The following MPP1 variants were observed in gnomAD, a reference collection of about 807,000 sequenced individuals.
MPP1 encodes 55 kDa erythrocyte membrane protein.
Under a neutral mutation model 38.2 loss-of-function variants are expected in MPP1, and 6 were observed. The ratio of observed to expected loss-of-function variants is 0.16; its 90% CI spans 0.09 to 0.31. MPP1 has a LOEUF of 0.31. Ranked by LOEUF, MPP1 falls within the 10% of genes least tolerant of loss-of-function variation. MPP1 has a pLI of 1.00. For missense variants in MPP1, 293 were observed against 368.9 expected, an observed-to-expected ratio of 0.79 and a Z score of 1.69; for synonymous variants, 153 against 146.3, an observed-to-expected ratio of 1.05 and a Z score of -0.33.
At chrX:154,781,857 G>C in intron 9 of MPP1, 55 bp from the exon 10 acceptor site, 1 of 1,112,463 alleles carries the variant, frequency 9.0e-7, no homozygotes, top group Non-Finnish European at 1.2e-6. Context: ...CCTTTCATGA[G>C]GGCTTGGACC....
intron 11 of MPP1, among the ~76,000 whole-genome samples, chrX:154,780,133 G>A (rs781834733): frequency 1.8e-5 from 2 of 112,871 alleles, no homozygotes; most frequent in African/African-American, 3.2e-5. Flanking sequence ...AACACAGTGA[G>A]ACCCCATTTC....
In MPP1 at chrX:154,784,128, A is replaced by C; in HGVS notation, c.785-20T>G. 8.5e-7 allele frequency: 1 copy of C among 1,170,685 alleles called. No individual in the cohort carries two copies. Among genetic ancestry groups the C allele is most frequent in the Non-Finnish European group, 1.2e-6 (1 of 861,230 alleles). On this transcript the variant is annotated intron_variant, in intron 7 of 11. Coordinates refer to ENST00000369534, the MANE Select transcript of MPP1 (RefSeq NM_002436.4). ...CAAAAACTAGAGACAAAGAAAACCA[A>C]GCAGTGTTCATTTCCAGAGCTAGGG...
At position 154,785,155 on chromosome X, in the gene MPP1, C is replaced by T. The variant is rs2072055653; in HGVS notation, c.680G>A (p.Arg227Gln). ...LIPSPELQEWRVASMAQSAPS... is the reference protein window; with the variant it reads ...LIPSPELQEWQVASMAQSAPS... ...AGCTGACTGAGCCATACTTGCCACT[C>T]GCCTGGTAGGAAAAGACAATCAAGG... The change falls in exon 7 of 12, where the codon CGA (arginine) becomes CAA (glutamine). Residue 227 changes from arginine to glutamine, a missense_variant and splice_region_variant. Arg to Gln is a conservative substitution (Grantham distance 43). Coordinates refer to ENST00000369534, the MANE Select transcript of MPP1 (RefSeq NM_002436.4). 1.7e-6 allele frequency: 2 copies of T among 1,188,411 alleles called. No homozygotes were observed. The highest frequency in any genetic ancestry group is 3.7e-5 in the South Asian group (2 of 53,962).
At chrX:154,794,271 T>C (rs2072172117) in intron 1 of MPP1, among the ~76,000 whole-genome samples, 1 of 111,704 alleles carries the variant, frequency 9.0e-6, no homozygotes, top group Non-Finnish European at 1.9e-5. Context: ...GTAGATCACC[T>C]GTGGATCAGT....
chrX:154,783,327 TA>T, intron 9 of MPP1, 99 bp downstream of exon 9: 1 of 448,782 alleles, frequency 2.2e-6, no homozygotes, highest in Admixed American at 5.9e-5. Context: ...TCATTTAAAA[TA>T]AAATAATTTA....
At chrX:154,781,089 G>T (rs1287136583) in intron 11 of MPP1, 150 bp downstream of exon 11, 15 of 516,525 alleles carry the variant, frequency 2.9e-5, no homozygotes, top group Non-Finnish European at 4.7e-5. Context: ...GAACGAATGT[G>T]CATACCCTTT....
chrX:154,799,392 AGAAAGGGAGGGTCAGCTCTC>A (rs2072236586), intron 1 of MPP1, among the ~76,000 whole-genome samples: 1 of 111,994 alleles, frequency 8.9e-6, no homozygotes, highest in Admixed American at 9.4e-5. Context: ...TGAGACTCTC[AGAAAGGGAGGGTCAGCTCTC>A]TGTGACCTCA....
rs782636725 is a variant in MPP1, at chrX:154,805,387, G to A, written c.-14C>T. Reference sequence around the variant, plus strand: ...CTTGAGGGTCATCTCGCAGAAGCTGGAACACTGGAACGCAAGACAGGGCAG... The same window carrying A: ...CTTGAGGGTCATCTCGCAGAAGCTGAAACACTGGAACGCAAGACAGGGCAG... On this transcript the variant is annotated 5_prime_UTR_variant, in exon 1 of 12. Coordinates refer to ENST00000369534, the MANE Select transcript of MPP1 (RefSeq NM_002436.4). The A allele has an allele frequency of 1.3e-5, 15 of 1,176,337 alleles. No homozygotes were observed. Among genetic ancestry groups the A allele is most frequent in the Admixed American group, 2.4e-5 (1 of 42,231 alleles).
chrX:154,779,086 A>T lies in MPP1; in HGVS notation c.*91T>A. On this transcript the variant is annotated 3_prime_UTR_variant, in exon 12 of 12. Transcript: ENST00000369534. ...GAGAGCTGGAAGCTGACACAAAACT[A>T]GTTGGAGCAGCCCTGTTTGTCTTAA... The T allele has an allele frequency of 1.1e-6, 1 of 870,133 alleles. No individual in the cohort carries two copies. The highest frequency in any genetic ancestry group is 1.6e-6 in the Non-Finnish European group (1 of 620,798). 71.7% of individuals were successfully genotyped at this position (870,133 alleles called of 1,213,427 possible).
intron 6 of MPP1, among the ~76,000 whole-genome samples, chrX:154,785,851 T>C (rs1240607929): frequency 8.9e-6 from 1 of 112,417 alleles, no homozygotes; most frequent in Non-Finnish European, 1.9e-5. Context: ...TCTGCAGGAC[T>C]CCAAGGAAAT....
chrX:154,797,246 C>T (rs1330636401), intron 1 of MPP1, among the ~76,000 whole-genome samples: 1 of 111,704 alleles, frequency 9.0e-6, no homozygotes, highest in Non-Finnish European at 1.9e-5. Flanking sequence ...TGTTGGCTAC[C>T]GATCACCCTA....
At position 154,785,301 on chromosome X, in the gene MPP1, CTGTT is replaced by C. The variant is rs1441287372; in HGVS notation, c.678-148_678-145del. The C allele has an allele frequency of 1.1e-5, 5 of 465,194 alleles. No homozygotes were observed. In the Admixed American group the frequency reaches 1.7e-4, roughly 16 times the overall value. 38.3% of individuals were successfully genotyped at this position (465,194 alleles called of 1,213,427 possible). ...TAATGTGTGCAAAGCACCCCATACACTGTTTGGTGCATCTTGCACTGTGCCCTGC... is the reference window on the plus strand; with the variant it reads ...TAATGTGTGCAAAGCACCCCATACACTGGTGCATCTTGCACTGTGCCCTGC... On this transcript the variant is annotated intron_variant, in intron 6 of 11. Transcript: ENST00000369534.
intron 6 of MPP1, among the ~76,000 whole-genome samples, chrX:154,785,446 C>T (rs1261932844): frequency 1.8e-5 from 2 of 110,824 alleles, no homozygotes; most frequent in African/African-American, 6.6e-5. Context: ...GGTCTCAAAC[C>T]TTTATGACCC....
rs782258559 is a variant in MPP1 at position 154,789,970 on chromosome X, C to T, written c.464G>A (p.Arg155His). 1.8e-5 allele frequency: 22 copies of T among 1,201,605 alleles called. No individual in the cohort carries two copies. The highest frequency in any genetic ancestry group is 6.6e-5 in the Admixed American group (3 of 45,430). ...GCCACCCACCTGTAGTGCAGGAAGA[C>T]GGCTTTGCTGGTTGGGAATTACTTT... Reference protein sequence around the residue: ...SLKVIPNQQSRLPALQMFMRA... With the variant: ...SLKVIPNQQSHLPALQMFMRA... Residue 155 changes from arginine (R) to histidine (H), a missense_variant, in exon 5 of 12, where the codon CGT becomes CAT. By Grantham distance (29) the Arg-to-His change is conservative. Coordinates refer to ENST00000369534, the MANE Select transcript of MPP1 (RefSeq NM_002436.4).
At chrX:154,783,811 C>T in intron 8 of MPP1, 1 of 438,932 alleles carries the variant, frequency 2.3e-6, no homozygotes. Flanking sequence ...TAATTCGTTG[C>T]TAAATAGTAG....
At chrX:154,799,019 C>T (rs113375968) in intron 1 of MPP1, among the ~76,000 whole-genome samples, 76 of 112,111 alleles carry the variant, frequency 6.8e-4, no homozygotes, top group African/African-American at 2.4e-3. Context: ...CAGGTGTGAG[C>T]CACCATGCCT....
At position 154,799,794 on chromosome X, in the gene MPP1, G is replaced by C. The variant is rs1001306546; in HGVS notation, c.102+5478C>G. 5 of 1,164,224 alleles carry C rather than the reference G, an allele frequency of 4.3e-6. No homozygotes were observed. In the African/African-American group the frequency reaches 7.2e-5, roughly 17 times the overall value. ...TTCTGCAGCCTCTGGCCTTTAATCA[G>C]ACAAAGTGCTGGAGTGGCAATGCCT... is the stretch of plus-strand genomic sequence containing the variant. On this transcript the variant is annotated intron_variant, in intron 1 of 11. Transcript: ENST00000369534.
chrX:154,790,940 T>G, intron 4 of MPP1, 43 bp downstream of exon 4: 5 of 1,123,260 alleles, frequency 4.5e-6, no homozygotes, highest in Non-Finnish European at 6.1e-6. Context: ...TCAACACTTA[T>G]GGAGACAATG....
chrX:154,784,193 C>T (rs782689005), intron 7 of MPP1, 85 bp from the exon 8 acceptor site: 11 of 744,264 alleles, frequency 1.5e-5, no homozygotes, highest in South Asian at 1.4e-4. Flanking sequence ...AACAGCCTCG[C>T]GACATCTCAA....
Sources: gnomAD v4.1 joint callset for allele counts (sites outside exome capture counted in the v4.1 genomes callset) on GRCh38, gnomAD v4.1.1 for gene constraint, MANE v1.5 for transcripts, NCBI Gene and HGNC (gene_info 2026-07-23, HGNC 2026-07-21) for gene names.